The following SYCP1 variants were observed in gnomAD, a reference collection of about 807,000 sequenced individuals.
The protein encoded by SYCP1 is synaptonemal complex protein 1, also known as cancer/testis antigen 8.
SYCP1 carries 64 observed loss-of-function variants against 153.1 expected under a neutral mutation model. The ratio of observed to expected loss-of-function variants is 0.42; its 90% CI spans 0.34 to 0.51. The LOEUF (loss-of-function observed/expected upper bound fraction) is 0.51, where lower values mean the gene tolerates loss of function less well. Ranked by LOEUF, SYCP1 falls within the 20% of genes least tolerant of loss-of-function variation. The pLI, the probability that SYCP1 is intolerant of heterozygous loss-of-function variation, is 0.06. For missense variants in SYCP1, 997 were observed against 1,049.0 expected, an observed-to-expected ratio of 0.95 and a Z score of 0.68; for synonymous variants, 384 against 341.8, an observed-to-expected ratio of 1.12 and a Z score of -1.36.
chr1:114,931,734 G>T (rs768303025), intron 23 of SYCP1, among the ~76,000 whole-genome samples: 8 of 152,140 alleles, frequency 5.3e-5, no homozygotes, highest in Non-Finnish European at 1.0e-4. Flanking sequence ...CTTGTAAAAT[G>T]CATGTGAACA....
intron 21 of SYCP1, among the ~76,000 whole-genome samples, chr1:114,924,031 T>C (rs996851755): frequency 6.6e-6 from 1 of 152,170 alleles, no homozygotes; most frequent in Non-Finnish European, 1.5e-5. Context: ...TTTGATTGTG[T>C]TTTTTCATTC....
At chr1:114,878,631 C>T (rs1665702972) in intron 12 of SYCP1, among the ~76,000 whole-genome samples, 2 of 152,154 alleles carry the variant, frequency 1.3e-5, no homozygotes, top group Non-Finnish European at 2.9e-5. Flanking sequence ...GCAACCTCTG[C>T]CTCCCGAGTT....
chr1:114,862,509 T>C (rs360620), intron 8 of SYCP1, among the ~76,000 whole-genome samples: 69,756 of 151,506 alleles, frequency 0.46, 16,917 homozygotes, highest in Non-Finnish European at 0.55. Flanking sequence ...ACCACCACGC[T>C]GGCTAATTTT....
chr1:114,970,008 G>T (rs1672378073), intron 27 of SYCP1, among the ~76,000 whole-genome samples: 1 of 152,018 alleles, frequency 6.6e-6, no homozygotes, highest in African/African-American at 2.4e-5. Flanking sequence ...AGATGAACTG[G>T]GTATCTCAGT....
chr1:114,855,692 C>T, intron 2 of SYCP1, 120 bp downstream of exon 2: 1 of 771,150 alleles, frequency 1.3e-6, no homozygotes, highest in Non-Finnish European at 2.0e-6. Context: ...TCTCATTTAC[C>T]CAAGAATTTT....
chr1:114,974,041 GTATTCA>G (rs1246164885), intron 27 of SYCP1, among the ~76,000 whole-genome samples: 1 of 151,536 alleles, frequency 6.6e-6, no homozygotes, highest in East Asian at 1.9e-4. Flanking sequence ...GCTTTATCTG[GTATTCA>G]TATTGTGACC....
At chr1:114,918,088 C>T (rs931581476) in intron 20 of SYCP1, among the ~76,000 whole-genome samples, 20 of 151,886 alleles carry the variant, frequency 1.3e-4, no homozygotes, top group African/African-American at 4.1e-4. Flanking sequence ...GTTTCCTCGA[C>T]GGTTTCTTTT....
intron 15 of SYCP1, 57 bp downstream of exon 15, chr1:114,887,750 T>A: frequency 9.2e-7 from 1 of 1,081,248 alleles, no homozygotes; most frequent in Non-Finnish European, 1.3e-6. Flanking sequence ...TATAGAATCA[T>A]AAACACTGTT....
chr1:114,860,049 T>C (rs1188978008), intron 7 of SYCP1, among the ~76,000 whole-genome samples: 1 of 152,206 alleles, frequency 6.6e-6, no homozygotes, highest in African/African-American at 2.4e-5. Context: ...TAAACATTCC[T>C]TGGTGTCAAA....
chr1:114,958,215 C>T (rs1228611956), intron 27 of SYCP1, among the ~76,000 whole-genome samples: 2 of 152,058 alleles, frequency 1.3e-5, no homozygotes, highest in African/African-American at 4.8e-5. Context: ...AATATTCTCA[C>T]TCATATGTGG....
intron 16 of SYCP1, among the ~76,000 whole-genome samples, chr1:114,899,379 A>G (rs1557782257): frequency 6.6e-6 from 1 of 152,232 alleles, no homozygotes; most frequent in African/African-American, 2.4e-5. Context: ...AGATTGCTTC[A>G]GTTTTCTGAA....
intron 27 of SYCP1, among the ~76,000 whole-genome samples, chr1:114,966,459 C>T (rs1557839098): frequency 6.6e-6 from 1 of 152,002 alleles, no homozygotes. Flanking sequence ...TTGGATCTTT[C>T]CCACTTTCTG....
intron 8 of SYCP1, among the ~76,000 whole-genome samples, chr1:114,868,113 T>G (rs963400271): frequency 1.3e-5 from 2 of 151,958 alleles, no homozygotes; most frequent in African/African-American, 4.8e-5. Context: ...TTGGTTGTGT[T>G]GTATAATTTT....
chr1:114,862,261 C>G (rs1664430043), intron 8 of SYCP1, among the ~76,000 whole-genome samples: 1 of 151,726 alleles, frequency 6.6e-6, no homozygotes, highest in Non-Finnish European at 1.5e-5. Context: ...GTGAAAAGTA[C>G]AGTGATAGGG....
At chr1:114,909,145 A>G (rs945793668) in intron 16 of SYCP1, among the ~76,000 whole-genome samples, 3 of 152,132 alleles carry the variant, frequency 2.0e-5, no homozygotes, top group African/African-American at 7.2e-5. Flanking sequence ...GTATTCATAC[A>G]TAGAATCAGG....
chr1:114,969,526 A>C (rs1672344693), intron 27 of SYCP1, among the ~76,000 whole-genome samples: 1 of 152,180 alleles, frequency 6.6e-6, no homozygotes, highest in Non-Finnish European at 1.5e-5. Context: ...GGTTGACTTT[A>C]GACTGCTGTT....
intron 22 of SYCP1, 21 bp from the exon 23 acceptor site, chr1:114,926,480 A>T (rs1238395955): frequency 1.3e-6 from 2 of 1,536,374 alleles, no homozygotes; most frequent in Non-Finnish European, 1.8e-6. Context: ...TACTAAATAT[A>T]ATTATTTTTA....
At position 114,967,270 on chromosome 1, in the gene SYCP1, G is replaced by T. The variant is rs553151440; in HGVS notation, c.2323-10287G>T. 2.0e-5 allele frequency among the ~76,000 whole-genome samples: 3 copies of T among 152,204 alleles called. No homozygotes were observed. In the East Asian group the frequency reaches 5.8e-4, roughly 29 times the overall value. ...CATTCTTCTATCTAATATTGACAGT[G>T]GAGTGTTAAAGTTTCCTACTATTAC... On this transcript the variant is annotated intron_variant, in intron 27 of 31. Coordinates refer to ENST00000369522, the MANE Select transcript of SYCP1 (RefSeq NM_003176.4).
At position 114,856,639 on chromosome 1, in the gene SYCP1, G is replaced by A. The variant is rs887485663; in HGVS notation, c.175G>A (p.Gly59Arg). ...TGCAAAGACTAATCTCTCCAAAAAT[G>A]GGGAAAACATTGATTCAGGTAGGAG... ...PFAKTNLSKN[G>R]ENIDSDPALQ... The change falls in exon 3 of 32, where the codon GGG becomes AGG. Residue 59 changes from glycine to arginine, a missense_variant. Coordinates refer to ENST00000369522, the MANE Select transcript of SYCP1 (RefSeq NM_003176.4). The A allele has an allele frequency of 1.2e-6, 2 of 1,611,638 alleles. No homozygotes were observed. Among genetic ancestry groups the A allele is most frequent in the Non-Finnish European group, 1.7e-6 (2 of 1,179,036 alleles).
Sources: gnomAD v4.1 joint callset for allele counts (sites outside exome capture counted in the v4.1 genomes callset) on GRCh38, gnomAD v4.1.1 for gene constraint, MANE v1.5 for transcripts, NCBI Gene and HGNC (gene_info 2026-07-23, HGNC 2026-07-21) for gene names.